The following XXYLT1 variants were observed in gnomAD, a reference collection of about 807,000 sequenced individuals.
XXYLT1 encodes UDP-xylose:alpha-xyloside alpha-1,3-xylosyltransferase.
In XXYLT1, 20 loss-of-function variants were observed where a neutral mutation model predicts 28.9. The ratio of observed to expected loss-of-function variants is 0.69; its 90% CI spans 0.49 to 1.00. XXYLT1 has a LOEUF of 1.00. XXYLT1 is among the 50% of genes least tolerant of loss of function. The pLI, the probability that XXYLT1 is intolerant of heterozygous loss-of-function variation, is 0.00. For synonymous variants in XXYLT1, 257 were observed against 253.8 expected, an observed-to-expected ratio of 1.01 and a Z score of -0.12; for missense variants, 542 against 560.1, an observed-to-expected ratio of 0.97 and a Z score of 0.33.
intron 2 of XXYLT1, among the ~76,000 whole-genome samples, chr3:195,196,476 G>C (rs1197962159): frequency 1.3e-5 from 2 of 152,216 alleles, no homozygotes; most frequent in Non-Finnish European, 2.9e-5. Context: ...GGGGCAATAG[G>C]TATGCCCCCT....
chr3:195,122,961 T>C (rs1019773900), intron 3 of XXYLT1, among the ~76,000 whole-genome samples: 1 of 152,200 alleles, frequency 6.6e-6, no homozygotes, highest in Non-Finnish European at 1.5e-5. Flanking sequence ...GGCCTGGTTC[T>C]GCAACGAACC....
intron 2 of XXYLT1, among the ~76,000 whole-genome samples, chr3:195,212,649 G>A (rs114347746): frequency 0.044 from 6,654 of 152,282 alleles, 463 homozygotes; most frequent in African/African-American, 0.15. Flanking sequence ...TGTGAACTGC[G>A]CATGCGAGGG....
intron 3 of XXYLT1, among the ~76,000 whole-genome samples, chr3:195,087,813 C>G (rs1577010074): frequency 1.3e-5 from 2 of 152,066 alleles, no homozygotes; most frequent in South Asian, 2.1e-4. Context: ...GGGCGCAGGT[C>G]AGTGGGTGCG....
chr3:195,233,181 A>G (rs947221838), intron 1 of XXYLT1, among the ~76,000 whole-genome samples: 3 of 152,176 alleles, frequency 2.0e-5, no homozygotes, highest in Admixed American at 6.5e-5. Context: ...ATATAAGTAT[A>G]GCTACTTCTG....
intron 2 of XXYLT1, among the ~76,000 whole-genome samples, chr3:195,172,930 G>C (rs2108719526): frequency 6.6e-6 from 1 of 152,302 alleles, no homozygotes; most frequent in South Asian, 2.1e-4. Context: ...GGGTGAGTGA[G>C]GAAGAAAGGT....
chr3:195,132,469 A>G (rs986680324), intron 3 of XXYLT1, among the ~76,000 whole-genome samples: 1 of 147,682 alleles, frequency 6.8e-6, no homozygotes, highest in Non-Finnish European at 1.5e-5. Context: ...TCGGTCTCCA[A>G]AAAAAAAAAA....
At chr3:195,222,863 T>C (rs971887198) in intron 2 of XXYLT1, among the ~76,000 whole-genome samples, 1 of 152,146 alleles carries the variant, frequency 6.6e-6, no homozygotes, top group Non-Finnish European at 1.5e-5. Flanking sequence ...ATTTGATATA[T>C]AGGATAACTC....
chr3:195,073,158 G>A (rs767418558), intron 3 of XXYLT1, among the ~76,000 whole-genome samples: 7 of 152,204 alleles, frequency 4.6e-5, no homozygotes, highest in African/African-American at 9.6e-5. Context: ...TGACTGCCTC[G>A]GATTCCACGG....
chr3:195,196,540 A>G lies in XXYLT1; in HGVS notation c.652+30169T>C, dbSNP rs372103198. Reference sequence around the variant, plus strand: ...CCTTTCAGCAACAGATCTCAGGGGAAGAAAACATAACACAGGCAGATAGGC... The same window carrying G: ...CCTTTCAGCAACAGATCTCAGGGGAGGAAAACATAACACAGGCAGATAGGC... On this transcript the variant is annotated intron_variant, in intron 2 of 3. Coordinates refer to ENST00000310380, the MANE Select transcript of XXYLT1 (RefSeq NM_152531.5). Among the ~76,000 whole-genome samples the G allele has an allele frequency of 1.4e-3, 213 of 152,374 alleles. 1 individual carries two copies. Among genetic ancestry groups the G allele is most frequent in the African/African-American group, 5.0e-3 (208 of 41,588 alleles).
chr3:195,185,139 AAGGAAGGAAGGAAAAAAG>A (rs1722137197), intron 2 of XXYLT1, among the ~76,000 whole-genome samples: 1 of 149,512 alleles, frequency 6.7e-6, no homozygotes, highest in African/African-American at 2.5e-5. Flanking sequence ...GGAAGGAAGG[AAGGAAGGAAGGAAAAAAG>A]AAAAAGAAAA....
At chr3:195,231,752 A>ATT (rs34130895) in intron 1 of XXYLT1, among the ~76,000 whole-genome samples, 9 of 143,312 alleles carry the variant, frequency 6.3e-5, no homozygotes, top group African/African-American at 2.3e-4. Flanking sequence ...ATGATGAATG[A>ATT]TTTTTTTTTT....
At chr3:195,119,296 A>C (rs371580728) in intron 3 of XXYLT1, among the ~76,000 whole-genome samples, 4,577 of 151,902 alleles carry the variant, frequency 0.03, 119 homozygotes, top group Middle Eastern at 0.12. Context: ...ACAAAAAAAA[A>C]AAAAAAAAAG....
At chr3:195,213,612 T>C (rs1000660380) in intron 2 of XXYLT1, among the ~76,000 whole-genome samples, 1 of 152,242 alleles carries the variant, frequency 6.6e-6, no homozygotes, top group Admixed American at 6.5e-5. Flanking sequence ...GCTCTCAGAA[T>C]GTGAATAGGT....
At chr3:195,152,021 AAAC>A (rs1720297852) in intron 3 of XXYLT1, among the ~76,000 whole-genome samples, 1 of 152,210 alleles carries the variant, frequency 6.6e-6, no homozygotes, top group Admixed American at 6.5e-5. Flanking sequence ...CTTACAGACC[AAAC>A]AACAGAGGGT....
At chr3:195,220,680 C>T (rs1420296862) in intron 2 of XXYLT1, among the ~76,000 whole-genome samples, 1 of 152,206 alleles carries the variant, frequency 6.6e-6, no homozygotes, top group East Asian at 1.9e-4. Flanking sequence ...CCACTCACAG[C>T]CCCGAGCAGT....
rs2108667227 is a variant in XXYLT1 at position 195,150,361 on chromosome 3, G to C, written c.785+6088C>G. On this transcript the variant is annotated intron_variant, in intron 3 of 3. Coordinates refer to ENST00000310380, the MANE Select transcript of XXYLT1 (RefSeq NM_152531.5). The surrounding 1 kb of genome is among the most constrained non-coding windows in gnomAD (Gnocchi z 4.7). Reference sequence around the variant, plus strand: ...ACCCTCCCTTCTTCCCTCTGTGCTGGCGCTCACTCCCTCCCCAACACTCCC... The same window carrying C: ...ACCCTCCCTTCTTCCCTCTGTGCTGCCGCTCACTCCCTCCCCAACACTCCC... 6.6e-6 allele frequency among the ~76,000 whole-genome samples: 1 copy of C among 152,140 alleles called. No homozygotes were observed. Among genetic ancestry groups the C allele is most frequent in the Admixed American group, 6.5e-5 (1 of 15,290 alleles).
rs998639375 is a variant in XXYLT1 at position 195,173,023 on chromosome 3, T to A, written c.653-16442A>T. 1.6e-4 allele frequency among the ~76,000 whole-genome samples: 25 copies of A among 152,082 alleles called. No individual in the cohort carries two copies. The highest frequency in any genetic ancestry group is 6.0e-4 in the African/African-American group (25 of 41,376). On this transcript the variant is annotated intron_variant, in intron 2 of 3. Coordinates refer to ENST00000310380, the MANE Select transcript of XXYLT1 (RefSeq NM_152531.5). The surrounding 1 kb of genome is among the most constrained non-coding windows in gnomAD (Gnocchi z 4.3). The stretch of plus-strand genomic sequence containing the variant: ...GCTTTAGGCATTAGAGAGGAGTGGT[T>A]TGGCAGCCCCCCGGGGCTGATCGAC...
At chr3:195,208,882 G>C (rs1320505983) in intron 2 of XXYLT1, among the ~76,000 whole-genome samples, 2 of 152,176 alleles carry the variant, frequency 1.3e-5, no homozygotes, top group African/African-American at 4.8e-5. Flanking sequence ...TGCAAGAGGA[G>C]TTTCCTTGAG....
chr3:195,143,839 TATAG>T lies in XXYLT1; in HGVS notation c.785+12606_785+12609del, dbSNP rs1243442293. Among the ~76,000 whole-genome samples the T allele has an allele frequency of 5.1e-4, 45 of 88,682 alleles. 5 individuals carry two copies. Among genetic ancestry groups the T allele is most frequent in the African/African-American group, 2.4e-3 (43 of 18,244 alleles). The allele number at this position is 88,682 out of a possible 152,430, so 58.2% of individuals were successfully genotyped here. A position where few individuals can be genotyped will look rare whatever the true frequency, so the allele number is the denominator to read the frequency against. ...AGATATAGATATATATAGATATAGA[TATAG>T]ATATATATATAGATATATATAGATA... On this transcript the variant is annotated intron_variant, in intron 3 of 3. Coordinates refer to ENST00000310380, the MANE Select transcript of XXYLT1 (RefSeq NM_152531.5).
Sources: gnomAD v4.1 joint callset for allele counts (sites outside exome capture counted in the v4.1 genomes callset) on GRCh38, gnomAD v4.1.1 for gene constraint, Gnocchi (gnomAD v3.1) non-coding constraint, MANE v1.5 for transcripts, NCBI Gene and HGNC (gene_info 2026-07-23, HGNC 2026-07-21) for gene names.